The following BTBD7 variants were observed in gnomAD, a reference collection of about 807,000 sequenced individuals.
BTBD7 encodes BTB/POZ domain-containing protein 7.
BTBD7 carries 38 observed loss-of-function variants against 99.9 expected under a neutral mutation model. The observed-to-expected ratio is 0.38, with a 90% confidence interval of 0.29 to 0.50. The LOEUF (loss-of-function observed/expected upper bound fraction) is 0.50. Among genes scored for constraint, BTBD7 ranks in the 20% least tolerant of loss-of-function variants. The pLI is 0.93. For missense variants in BTBD7, 1,170 were observed against 1,394.6 expected, an observed-to-expected ratio of 0.84 and a Z score of 2.57; for synonymous variants, 520 against 511.4, an observed-to-expected ratio of 1.02 and a Z score of -0.23.
At position 93,273,902 on chromosome 14, in the gene BTBD7, C is replaced by T. The variant is rs191324755; in HGVS notation, c.1163-9909G>A. ...CACTGGCAGGTCCTGAAGGTACACTCGTACAAGTGGATCCTGTGTTGGATG... is the reference window on the plus strand; with the variant it reads ...CACTGGCAGGTCCTGAAGGTACACTTGTACAAGTGGATCCTGTGTTGGATG... On this transcript the variant is annotated intron_variant, in intron 3 of 10. Coordinates refer to ENST00000334746, the MANE Select transcript of BTBD7 (RefSeq NM_001002860.4). Among the ~76,000 whole-genome samples, 616 of 152,268 alleles carry T rather than the reference C, an allele frequency of 4.0e-3. 1 individual carries two copies. The highest frequency in any genetic ancestry group is 0.011 in the African/African-American group (468 of 41,542).
chr14:93,253,930 TA>T, intron 6 of BTBD7, 140 bp from the exon 7 acceptor site: 1 of 472,778 alleles, frequency 2.1e-6, no homozygotes, highest in Non-Finnish European at 3.3e-6. Context: ...ATATGAAATT[TA>T]GAAATACCTC....
In BTBD7 at chr14:93,245,913, C is replaced by T. The variant is rs189215614; in HGVS notation, c.2495G>A (p.Gly832Glu). 4.3e-6 allele frequency: 7 copies of T among 1,614,108 alleles called. No individual in the cohort carries two copies. The highest frequency in any genetic ancestry group is 1.7e-4 in the Middle Eastern group (1 of 6,058). ...AAPPDCTSTAGLGRQTVAAAA... is the reference protein window; with the variant it reads ...AAPPDCTSTAELGRQTVAAAA... ...AGCAGCCACCGTCTGTCTGCCCAGT[C>T]CTGCAGTGCTGGTACAATCAGGCGG... The change falls in exon 10 of 11, where the codon GGA (glycine) becomes GAA (glutamate). Residue 832 changes from glycine (G) to glutamate (E), a missense_variant. Transcript: ENST00000334746.
intron 1 of BTBD7, among the ~76,000 whole-genome samples, chr14:93,302,786 A>T (rs574819853): frequency 1.3e-5 from 2 of 152,274 alleles, no homozygotes; most frequent in East Asian, 3.9e-4. Flanking sequence ...ACGAGATTGC[A>T]GTAAGCCGAG....
Position 93,253,663 on chromosome 14 carries a change from T to A in BTBD7, c.1736A>T (p.Tyr579Phe), listed in dbSNP as rs961173578. 6.2e-7 allele frequency: 1 copy of A among 1,609,782 alleles called. No individual in the cohort carries two copies. Among genetic ancestry groups the A allele is most frequent in the Non-Finnish European group, 8.5e-7 (1 of 1,176,954 alleles). ...IYVRPRLFSP[Y>F]VEEAKSVLDE... ...TTTCATTACCTTTGCTTCTTCCACA[T>A]AGGGAGAGAAGAGTCGAGGACGAAC... Residue 579 changes from tyrosine to phenylalanine, a missense_variant, in exon 7 of 11, where the codon TAT (tyrosine) becomes TTT (phenylalanine). This residue lies in a region of BTBD7 where 309 missense variants were observed against 342.0 expected (regional missense o/e 0.90). Transcript: ENST00000334746.
chr14:93,264,105 GATAA>G (rs2052518105), intron 3 of BTBD7, 112 bp from the exon 4 acceptor site: 3 of 917,954 alleles, frequency 3.3e-6, no homozygotes, highest in Admixed American at 2.6e-5. Context: ...AACTCAAGGA[GATAA>G]ATAAAATCTC....
intron 1 of BTBD7, among the ~76,000 whole-genome samples, chr14:93,306,651 G>A (rs1313259171): frequency 1.3e-5 from 2 of 152,080 alleles, no homozygotes; most frequent in East Asian, 3.8e-4. Context: ...TTTCTAAAAA[G>A]ATAAATGGAG....
chr14:93,283,732 A>G (rs926816266), intron 3 of BTBD7, among the ~76,000 whole-genome samples: 2 of 152,080 alleles, frequency 1.3e-5, no homozygotes, highest in Non-Finnish European at 2.9e-5. Context: ...TTGTATTTTT[A>G]GTAGAGATGG....
At position 93,237,706 on chromosome 14, in the gene BTBD7, A is replaced by T. The variant is rs2052176508; in HGVS notation, c.*4567T>A. 6.5e-6 allele frequency: 1 copy of T among 152,682 alleles called. No individual in the cohort carries two copies. Among genetic ancestry groups the T allele is most frequent in the Non-Finnish European group, 1.5e-5 (1 of 68,046 alleles). 9.5% of individuals were successfully genotyped at this position (152,682 alleles called of 1,614,324 possible). A position where few individuals can be genotyped will look rare whatever the true frequency, so the allele number is the denominator to read the frequency against. On this transcript the variant is annotated 3_prime_UTR_variant, in exon 11 of 11. Coordinates refer to ENST00000334746, the MANE Select transcript of BTBD7 (RefSeq NM_001002860.4). ...AATGTATCGTTTTACAATGCTTCAC[A>T]CAGACGAATTCAAGTTTGGAGGTAC...
rs747697657 is a variant in BTBD7 at position 93,243,078 on chromosome 14, G to T, written c.2594C>A (p.Pro865His). Residue 865 changes from proline (P) to histidine (H), a missense_variant, in exon 11 of 11, where the codon CCT becomes CAT. Physicochemically the swap from Pro to His is moderately conservative, Grantham distance 77. Coordinates refer to ENST00000334746, the MANE Select transcript of BTBD7 (RefSeq NM_001002860.4). ...AASEKQVRTQ[P>H]VLNDLMPDIA... is the part of the protein sequence containing the mutation. ...GTCTGGCATCAGATCATTCAGCACA[G>T]GTTGTGTTCGCTGCAGACAGAGACA... is the stretch of plus-strand genomic sequence containing the variant. 4.3e-6 allele frequency: 7 copies of T among 1,610,392 alleles called. No individual in the cohort carries two copies. Among genetic ancestry groups the T allele is most frequent in the Middle Eastern group, 1.7e-4 (1 of 5,844 alleles).
chr14:93,296,564 T>A (rs140496879), intron 1 of BTBD7, among the ~76,000 whole-genome samples: 1 of 152,336 alleles, frequency 6.6e-6, no homozygotes, highest in Non-Finnish European at 1.5e-5. Flanking sequence ...TCAACACTGG[T>A]ACCGCACATA....
In BTBD7 at chr14:93,310,420, T is replaced by C. The variant is rs2053123459; in HGVS notation, c.-106-14263A>G. ...CATATGGGTTCCTCCCCCTTTACAA[T>C]TTTTTTTTGTTGAAGAAATCAGGTT... On this transcript the variant is annotated intron_variant, in intron 1 of 10. Coordinates refer to ENST00000334746, the MANE Select transcript of BTBD7 (RefSeq NM_001002860.4). Among the ~76,000 whole-genome samples the C allele has an allele frequency of 2.0e-5, 3 of 151,122 alleles. No individual in the cohort carries two copies. In the South Asian group the frequency reaches 6.3e-4, roughly 31 times the overall value.
chr14:93,311,737 TATTTTTA>T (rs2139805479), intron 1 of BTBD7, among the ~76,000 whole-genome samples: 1 of 137,310 alleles, frequency 7.3e-6, no homozygotes, highest in African/African-American at 2.9e-5. Flanking sequence ...TCCATGAAAA[TATTTTTA>T]ATTTTTTTTT....
chr14:93,246,452 T>C (rs1019209785), intron 9 of BTBD7, among the ~76,000 whole-genome samples, 166 bp from the exon 10 acceptor site: 1 of 152,204 alleles, frequency 6.6e-6, no homozygotes, highest in East Asian at 1.9e-4. Context: ...AAAAATCACC[T>C]TAGTTATAGT....
Position 93,246,144 on chromosome 14 carries a change from T to G in BTBD7, c.2264A>C (p.His755Pro), listed in dbSNP as rs758639318. The G allele has an allele frequency of 6.2e-7, 1 of 1,613,914 alleles. No individual in the cohort carries two copies. The stretch of plus-strand genomic sequence containing the variant: ...AGGTGGTGGAGGGGGCAAGGGTGGA[T>G]GGAAGGCCACAAAAGAGTCCAGATC... ...FTDLDSFVAFHPPLPPPPPPY... is the reference protein window; with the variant it reads ...FTDLDSFVAFPPPLPPPPPPY... The change falls in exon 10 of 11, where the codon CAT (histidine) becomes CCT (proline). Residue 755 changes from histidine (H) to proline (P), a missense_variant. His to Pro is a moderately conservative substitution (Grantham distance 77, BLOSUM62 -2). Around this residue, in one of 4 missense-constraint regions of BTBD7, gnomAD observed 495 missense variants for 525.9 expected, o/e 0.94. Coordinates refer to ENST00000334746, the MANE Select transcript of BTBD7 (RefSeq NM_001002860.4).
At chr14:93,247,044 T>A (rs533832851) in intron 9 of BTBD7, among the ~76,000 whole-genome samples, 12 of 152,326 alleles carry the variant, frequency 7.9e-5, no homozygotes, top group African/African-American at 2.9e-4. Flanking sequence ...ATTCTTTTTT[T>A]GAGACAGGGT....
chr14:93,321,934 A>C (rs1193420163), intron 1 of BTBD7, among the ~76,000 whole-genome samples: 1 of 152,178 alleles, frequency 6.6e-6, no homozygotes, highest in Non-Finnish European at 1.5e-5. Flanking sequence ...TAATGCTCCA[A>C]ACAGCAGTGG....
intron 4 of BTBD7, among the ~76,000 whole-genome samples, chr14:93,262,554 G>A (rs1047012070): frequency 6.6e-6 from 1 of 152,070 alleles, no homozygotes; most frequent in Non-Finnish European, 1.5e-5. Context: ...TCTTTTGGAA[G>A]AAAACAGAGA....
At chr14:93,318,470 T>A (rs942443861) in intron 1 of BTBD7, among the ~76,000 whole-genome samples, 2 of 152,208 alleles carry the variant, frequency 1.3e-5, no homozygotes, top group African/African-American at 4.8e-5. Flanking sequence ...CACAATAAAA[T>A]GTTTTGTTGG....
chr14:93,288,553 G>T (rs765609953), intron 3 of BTBD7: 22 of 800,330 alleles, frequency 2.7e-5, no homozygotes, highest in Non-Finnish European at 3.4e-5. Flanking sequence ...CTTCCTCCAG[G>T]ACTTTGTTCT....
Sources: allele counts gnomAD v4.1 joint callset (sites outside exome capture counted in the v4.1 genomes callset), GRCh38; gene constraint gnomAD v4.1.1; regional missense constraint gnomAD v4.1.1; transcripts MANE v1.5; gene names NCBI Gene and HGNC (gene_info 2026-07-23, HGNC 2026-07-21).